Variants in CDH3 observed in about 807,000 individuals in gnomAD.
CDH3 encodes cadherin-3.
A neutral mutation model predicts 82.0 loss-of-function variants in CDH3; 54 were observed. That is an observed-to-expected ratio of 0.66 (90% confidence interval 0.53 to 0.83). CDH3 has a LOEUF of 0.83. CDH3 is among the 40% of genes least tolerant of loss of function. The pLI is 0.00. For missense variants in CDH3, 1,054 were observed against 1,084.6 expected (o/e 0.97, Z 0.40); for synonymous variants, 446 against 437.9 (o/e 1.02, Z -0.23).
At chr16:68,695,130 T>C (rs964055865) in intron 13 of CDH3, 125 bp from the exon 14 acceptor site, 12 of 1,015,870 alleles carry the variant, frequency 1.2e-5, no homozygotes, top group African/African-American at 9.4e-5. Flanking sequence ...AGTAAAGCCA[T>C]TGTAGCATGT....
At chr16:68,681,287 C>T (rs1961222995) in intron 8 of CDH3, among the ~76,000 whole-genome samples, 191 bp downstream of exon 8, 2 of 152,186 alleles carry the variant, frequency 1.3e-5, no homozygotes, top group Admixed American at 1.3e-4. Flanking sequence ...AATGATAATA[C>T]CTGCTGCATT....
At chr16:68,646,730 C>G (rs188188414) in intron 2 of CDH3, among the ~76,000 whole-genome samples, 3 of 152,220 alleles carry the variant, frequency 2.0e-5, no homozygotes, top group Admixed American at 2.0e-4. Context: ...AGGATCCTTA[C>G]ACTGAAATTT....
At chr16:68,721,893 C>T (rs532407145) in intron 1 of CDH3, among the ~76,000 whole-genome samples, 2 of 152,194 alleles carry the variant, frequency 1.3e-5, no homozygotes, top group East Asian at 3.9e-4. Flanking sequence ...AGTTCGAGAC[C>T]AGCCTGGCCA....
At chr16:68,722,196 A>G (rs1962172532) in intron 1 of CDH3, among the ~76,000 whole-genome samples, 1 of 152,200 alleles carries the variant, frequency 6.6e-6, no homozygotes, top group South Asian at 2.1e-4. Context: ...CATCAGATCA[A>G]AAGCTTCTTC....
chr16:68,694,113 T>C (rs1353877866), intron 13 of CDH3, among the ~76,000 whole-genome samples: 2 of 150,242 alleles, frequency 1.3e-5, no homozygotes, highest in African/African-American at 4.9e-5. Context: ...AAATTTGAGA[T>C]CACGCCACTG....
At chr16:68,685,642 C>T (rs1961390762) in intron 11 of CDH3, among the ~76,000 whole-genome samples, 1 of 151,930 alleles carries the variant, frequency 6.6e-6, no homozygotes, top group African/African-American at 2.4e-5. Context: ...CCCGTCTCTA[C>T]TAAATATACA....
In CDH3 at chr16:68,678,871, C is replaced by G. The variant is rs768894285; in HGVS notation, c.656C>G (p.Thr219Ser). The G allele has an allele frequency of 1.9e-6, 3 of 1,613,920 alleles. No individual in the cohort carries two copies. Among genetic ancestry groups the G allele is most frequent in the East Asian group, 4.5e-5 (2 of 44,898 alleles). ...CACAAGCCCAAGTTTACCCAGGACA[C>G]CTTCCGAGGGAGTGTCTTAGAGGGA... is the stretch of plus-strand genomic sequence containing the variant. The part of the protein sequence containing the change: ...NDHKPKFTQD[T>S]FRGSVLEGVL... Residue 219 changes from threonine to serine, a missense_variant, in exon 6 of 16, where the codon ACC (threonine) becomes AGC (serine). By Grantham distance (58) the Thr-to-Ser change is moderately conservative. Coordinates refer to ENST00000264012, the MANE Select transcript of CDH3 (RefSeq NM_001793.6).
downstream of CDH3, among the ~76,000 whole-genome samples, chr16:68,700,545 T>G (rs1413869402): frequency 6.6e-6 from 1 of 152,224 alleles, no homozygotes; most frequent in Admixed American, 6.5e-5. Flanking sequence ...GGCTCACGCC[T>G]GTAATTCCAA....
At chr16:68,677,258 T>A (rs1192810744) in intron 3 of CDH3, among the ~76,000 whole-genome samples, 1 of 152,186 alleles carries the variant, frequency 6.6e-6, no homozygotes, top group Non-Finnish European at 1.5e-5. Flanking sequence ...CACTATTAGT[T>A]TTTTTCTGTA....
At position 68,698,982 on chromosome 16, in the gene CDH3, G is replaced by C. The variant is rs1293189005; in HGVS notation, c.*582G>C. The C allele has an allele frequency of 6.5e-6, 1 of 154,756 alleles. No individual in the cohort carries two copies. The highest frequency in any genetic ancestry group is 1.9e-4 in the East Asian group (1 of 5,358). The allele number at this position is 154,756 out of a possible 1,614,324, so 9.6% of individuals were successfully genotyped here. ...CCCTGTTGCGTTGCTATAGATGAAGGGTGAGGACAATCGTGTATATGTACT... is the reference window on the plus strand; with the variant it reads ...CCCTGTTGCGTTGCTATAGATGAAGCGTGAGGACAATCGTGTATATGTACT... On this transcript the variant is annotated 3_prime_UTR_variant, in exon 16 of 16. Transcript: ENST00000264012.
At chr16:68,688,193 C>T (rs3114404) in intron 12 of CDH3, among the ~76,000 whole-genome samples, 33,450 of 151,164 alleles carry the variant, frequency 0.22, 3,912 homozygotes, top group Admixed American at 0.28. Flanking sequence ...TTCCAAAGAC[C>T]TCCACCAGGT....
At chr16:68,648,223 T>C (rs957562334) in intron 2 of CDH3, among the ~76,000 whole-genome samples, 2 of 152,230 alleles carry the variant, frequency 1.3e-5, no homozygotes, top group African/African-American at 4.8e-5. Context: ...AAACAGCTCA[T>C]GAACTTCTTT....
intron 1 of CDH3, among the ~76,000 whole-genome samples, chr16:68,718,433 A>C (rs1245171935): frequency 1.3e-5 from 2 of 151,992 alleles, no homozygotes; most frequent in Non-Finnish European, 2.9e-5. Flanking sequence ...TAATCCCAGC[A>C]CTTTGGGAGG....
At chr16:68,693,112 CA>C (rs1392779757) in intron 13 of CDH3, among the ~76,000 whole-genome samples, 1 of 151,976 alleles carries the variant, frequency 6.6e-6, no homozygotes. Flanking sequence ...TTTAGAAAAA[CA>C]AAACAAAAAA....
At chr16:68,675,670 T>C (rs1567446509) in intron 2 of CDH3, among the ~76,000 whole-genome samples, 1 of 151,996 alleles carries the variant, frequency 6.6e-6, no homozygotes, top group Admixed American at 6.6e-5. Context: ...GGCGCACGCC[T>C]GTAACCCCAG....
intron 2 of CDH3, among the ~76,000 whole-genome samples, chr16:68,662,181 A>C (rs1158346476): frequency 6.6e-6 from 1 of 152,178 alleles, no homozygotes; most frequent in African/African-American, 2.4e-5. Context: ...CGGGATGGGA[A>C]TGCAAGGAGA....
rs1961163338 is a variant in CDH3, at chr16:68,679,919, C to G, written c.812C>G (p.Thr271Ser). Residue 271 changes from threonine (T) to serine (S), a missense_variant, in exon 7 of 16, where the codon ACC becomes AGC. Thr to Ser is a moderately conservative substitution (Grantham distance 58). Coordinates refer to ENST00000264012, the MANE Select transcript of CDH3 (RefSeq NM_001793.6). The part of the protein sequence containing the change: ...EPKDPHDLMF[T>S]IHRSTGTISV... ...AAGGACCCACACGACCTCATGTTCA[C>G]CATTCACCGGAGCACAGGCACCATC... The G allele has an allele frequency of 6.2e-7, 1 of 1,614,112 alleles. No individual in the cohort carries two copies. Among genetic ancestry groups the G allele is most frequent in the South Asian group, 1.1e-5 (1 of 91,072 alleles).
intron 2 of CDH3, among the ~76,000 whole-genome samples, chr16:68,649,270 C>T (rs1200837583): frequency 6.6e-6 from 1 of 152,192 alleles, no homozygotes; most frequent in Non-Finnish European, 1.5e-5. Flanking sequence ...AGATTAAAAA[C>T]TAACCATCAG....
At chr16:68,694,773 G>C (rs767802257) in intron 13 of CDH3, among the ~76,000 whole-genome samples, 9 of 152,210 alleles carry the variant, frequency 5.9e-5, no homozygotes, top group Non-Finnish European at 1.3e-4. Flanking sequence ...GACAACATCT[G>C]CTGGGAGGTT....
Sources: allele counts gnomAD v4.1 joint callset (sites outside exome capture counted in the v4.1 genomes callset), GRCh38; gene constraint gnomAD v4.1.1; transcripts MANE v1.5; gene names NCBI Gene and HGNC (gene_info 2026-07-23, HGNC 2026-07-21).